LRRC8D: variants seen among roughly 807,000 people sequenced by gnomAD.
LRRC8D encodes the protein volume-regulated anion channel subunit LRRC8D.
In LRRC8D, 20 loss-of-function variants were observed where a neutral mutation model predicts 55.8. The observed-to-expected ratio is 0.36, with a 90% CI of 0.25 to 0.52. The LOEUF (loss-of-function observed/expected upper bound fraction) is 0.52, where lower values mean the gene tolerates loss of function less well. Among genes scored for constraint, LRRC8D ranks in the 20% least tolerant of loss-of-function variants. The pLI is 0.93. For missense variants in LRRC8D, 651 were observed against 1,030.8 expected (o/e 0.63, Z 5.05); for synonymous variants, 352 against 377.0 (o/e 0.93, Z 0.77).
chr1:89,838,475 G>A (rs971679233), intron 1 of LRRC8D, among the ~76,000 whole-genome samples: 1 of 152,174 alleles, frequency 6.6e-6, no homozygotes, highest in Non-Finnish European at 1.5e-5. Context: ...GACAAAACAT[G>A]CTTTCCAAAG....
chr1:89,884,619 C>T (rs1380259230), intron 2 of LRRC8D, among the ~76,000 whole-genome samples: 1 of 152,152 alleles, frequency 6.6e-6, no homozygotes, highest in Non-Finnish European at 1.5e-5. Context: ...GGTTCAAACC[C>T]CAACTCTAGA....
At chr1:89,833,396 A>C (rs963576263) in intron 1 of LRRC8D, among the ~76,000 whole-genome samples, 41 of 152,326 alleles carry the variant, frequency 2.7e-4, no homozygotes, top group Middle Eastern at 3.4e-3. Flanking sequence ...CATCCTTGGC[A>C]CCAGACTTGT....
intron 2 of LRRC8D, among the ~76,000 whole-genome samples, chr1:89,925,186 C>G (rs1442095766): frequency 6.6e-6 from 1 of 152,070 alleles, no homozygotes; most frequent in African/African-American, 2.4e-5. Flanking sequence ...GAGTGTGAAC[C>G]CTATTGTGAA....
intron 1 of LRRC8D, 91 bp from the exon 2 acceptor site, chr1:89,843,547 G>C: frequency 1.5e-6 from 1 of 684,082 alleles, no homozygotes; most frequent in Non-Finnish European, 2.7e-6. Context: ...TGACCCCCTG[G>C]TCTTGCCTCC....
chr1:89,853,576 A>G (rs1443430177), intron 2 of LRRC8D, among the ~76,000 whole-genome samples: 3 of 152,146 alleles, frequency 2.0e-5, no homozygotes, highest in South Asian at 2.1e-4. Flanking sequence ...TCTTACAACA[A>G]TCTCCTGTGA....
intron 1 of LRRC8D, 181 bp from the exon 2 acceptor site, chr1:89,843,457 C>T (rs1661188182): frequency 9.5e-6 from 4 of 419,852 alleles, no homozygotes; most frequent in Non-Finnish European, 1.7e-5. Context: ...GCCACCTCGG[C>T]ACCACGCGGG....
chr1:89,829,781 A>C lies in LRRC8D; in HGVS notation c.-148+8490A>C, dbSNP rs555398742. Among the ~76,000 whole-genome samples the C allele has an allele frequency of 1.9e-3, 295 of 152,260 alleles. 1 individual carries two copies. The highest frequency in any genetic ancestry group is 6.9e-3 in the African/African-American group (285 of 41,542). On this transcript the variant is annotated intron_variant, in intron 1 of 2. Transcript: ENST00000337338. ...CTGTTGGTAAAACTACTTGAATGAAAATTTATCCTGGAATTGAGAGGGTAA... is the reference window on the plus strand; with the variant it reads ...CTGTTGGTAAAACTACTTGAATGAACATTTATCCTGGAATTGAGAGGGTAA...
chr1:89,910,276 G>T (rs1213577089), intron 2 of LRRC8D, among the ~76,000 whole-genome samples: 1 of 152,170 alleles, frequency 6.6e-6, no homozygotes, highest in Non-Finnish European at 1.5e-5. Flanking sequence ...TCTCCATTCT[G>T]CCATTTCCTT....
intron 1 of LRRC8D, among the ~76,000 whole-genome samples, chr1:89,841,719 A>G (rs935795088): frequency 6.6e-6 from 1 of 152,228 alleles, no homozygotes; most frequent in African/African-American, 2.4e-5. Flanking sequence ...TTTGCCACCA[A>G]GTAATTCTGG....
chr1:89,893,960 A>G (rs1347436764), intron 2 of LRRC8D, among the ~76,000 whole-genome samples: 2 of 152,258 alleles, frequency 1.3e-5, no homozygotes, highest in African/African-American at 4.8e-5. Context: ...TGCTGGAAGC[A>G]GAGGGCTCTT....
intron 2 of LRRC8D, among the ~76,000 whole-genome samples, chr1:89,861,336 C>T (rs1420832237): frequency 6.6e-6 from 1 of 152,192 alleles, no homozygotes; most frequent in African/African-American, 2.4e-5. Context: ...TATCATGTGA[C>T]TTTAACATAC....
chr1:89,857,042 T>C (rs982515870), intron 2 of LRRC8D, among the ~76,000 whole-genome samples: 13 of 152,144 alleles, frequency 8.5e-5, no homozygotes, highest in African/African-American at 1.4e-4. Flanking sequence ...AACATATGTA[T>C]GTGTATGCGT....
At chr1:89,852,596 A>G (rs935263620) in intron 2 of LRRC8D, among the ~76,000 whole-genome samples, 1 of 152,210 alleles carries the variant, frequency 6.6e-6, no homozygotes, top group African/African-American at 2.4e-5. Context: ...TAACTTTTTT[A>G]TAACTTAAGG....
At chr1:89,835,868 C>T (rs772481762) in intron 1 of LRRC8D, among the ~76,000 whole-genome samples, 19 of 152,246 alleles carry the variant, frequency 1.2e-4, no homozygotes, top group Non-Finnish European at 1.9e-4. Context: ...CTGCATTGCT[C>T]GCGTATTGAG....
intron 2 of LRRC8D, among the ~76,000 whole-genome samples, chr1:89,915,038 G>A (rs1350207698): frequency 5.3e-5 from 8 of 151,722 alleles, no homozygotes; most frequent in Non-Finnish European, 1.2e-4. Flanking sequence ...GTGTGTGTGT[G>A]TGTGTGTGGT....
rs115500063 is a variant in LRRC8D, at chr1:89,894,479, T to C, written c.-2-38588T>C. ...TCTCTGAGTGTTAACTTTCAGAACA[T>C]AGGAAATTGAGATGCTCCCTTAAAC... On this transcript the variant is annotated intron_variant, in intron 2 of 2. Coordinates refer to ENST00000337338, the MANE Select transcript of LRRC8D (RefSeq NM_001134479.2). 4.1e-3 allele frequency among the ~76,000 whole-genome samples: 625 copies of C among 152,250 alleles called. 8 individuals are homozygous for C. Among genetic ancestry groups the C allele is most frequent in the African/African-American group, 0.015 (604 of 41,548 alleles).
rs550972592 is a variant in LRRC8D at position 89,824,107 on chromosome 1, C to T, written c.-148+2816C>T. ...GGCAGGTGCTGCTGTCATCTAGTGG[C>T]TAGAGGACAGGGATGATACATAAGC... On this transcript the variant is annotated intron_variant, in intron 1 of 2. Coordinates refer to ENST00000337338, the MANE Select transcript of LRRC8D (RefSeq NM_001134479.2). 2.6e-5 allele frequency among the ~76,000 whole-genome samples: 4 copies of T among 152,180 alleles called. No homozygotes were observed. The South Asian group carries it at 6.2e-4, about 24-fold the overall frequency.
intron 2 of LRRC8D, among the ~76,000 whole-genome samples, chr1:89,901,018 T>C (rs1662835676): frequency 6.6e-6 from 1 of 152,216 alleles, no homozygotes; most frequent in Non-Finnish European, 1.5e-5. Flanking sequence ...TACAGCATCC[T>C]GATAACAGCC....
intron 2 of LRRC8D, among the ~76,000 whole-genome samples, chr1:89,872,168 T>G (rs1371948118): frequency 1.3e-5 from 2 of 152,230 alleles, no homozygotes; most frequent in Non-Finnish European, 2.9e-5. Context: ...AAACGTAAAT[T>G]ATTCATTGAC....
Sources: gnomAD v4.1 joint callset for allele counts (sites outside exome capture counted in the v4.1 genomes callset) on GRCh38, gnomAD v4.1.1 for gene constraint, MANE v1.5 for transcripts, NCBI Gene and HGNC (gene_info 2026-07-23, HGNC 2026-07-21) for gene names.